The following STK3 variants were observed in gnomAD, a reference collection of about 807,000 sequenced individuals.
STK3 encodes the protein serine/threonine-protein kinase 3.
Under a neutral mutation model 58.0 loss-of-function variants are expected in STK3, and 41 were observed. The ratio of observed to expected loss-of-function variants is 0.71; its 90% CI spans 0.55 to 0.92. STK3 has a LOEUF of 0.92. Ranked by LOEUF, STK3 falls within the 40% of genes least tolerant of loss-of-function variation. The pLI is 0.00. For missense variants in STK3, 479 were observed against 602.7 expected (o/e 0.79, Z 2.15); for synonymous variants, 170 against 191.0 (o/e 0.89, Z 0.91).
At chr8:98,777,501 C>A (rs902510538) in intron 1 of STK3, among the ~76,000 whole-genome samples, 2 of 152,022 alleles carry the variant, frequency 1.3e-5, no homozygotes. Context: ...CAGAGTTAGA[C>A]CCTATCTCAA....
the STK3 span, among the ~76,000 whole-genome samples, chr8:98,354,303 T>C: frequency 6.6e-6 from 1 of 152,224 alleles, no homozygotes. Flanking sequence ...CAGATTTTTC[T>C]ACCTTCCTCA....
At chr8:98,904,228 C>T (rs1405162075) in intron 1 of STK3, among the ~76,000 whole-genome samples, 7 of 152,194 alleles carry the variant, frequency 4.6e-5, no homozygotes, top group African/African-American at 1.7e-4. Context: ...ACTACATGGT[C>T]ATTTGAAAGA....
intron 8 of STK3, among the ~76,000 whole-genome samples, chr8:98,578,790 T>G (rs920481507): frequency 6.6e-6 from 1 of 152,184 alleles, no homozygotes; most frequent in Non-Finnish European, 1.5e-5. Context: ...CCTCTATATC[T>G]TTATCCAGAA....
exon 3 of STK3, chr8:98,371,574 A>G (rs1817611265): frequency 6.6e-6 from 1 of 152,226 alleles, no homozygotes; most frequent in Non-Finnish European, 1.5e-5. Context: ...TGTCACTCTG[A>G]TATTTTCTTC....
intron 10 of STK3, among the ~76,000 whole-genome samples, chr8:98,523,444 G>A (rs1302945182): frequency 2.0e-5 from 3 of 148,360 alleles, no homozygotes; most frequent in Non-Finnish European, 3.0e-5. Context: ...GCACGATCTC[G>A]GCTCACTGCA....
At chr8:98,495,361 G>A (rs1304765966) in intron 10 of STK3, among the ~76,000 whole-genome samples, 2 of 152,168 alleles carry the variant, frequency 1.3e-5, no homozygotes, top group East Asian at 3.9e-4. Flanking sequence ...CTATATTACA[G>A]GTACTTTTTT....
rs779924371 is a variant in STK3 at position 98,455,796 on chromosome 8, G to A, written c.*46C>T. ...TCCAAATATTCCTTCAATTCCTAGT[G>A]GTTTCTTGGTCTCCAGAATAGTTAA... is the stretch of plus-strand genomic sequence containing the variant. On this transcript the variant is annotated 3_prime_UTR_variant, in exon 11 of 11. Coordinates refer to ENST00000419617, the MANE Select transcript of STK3 (RefSeq NM_006281.4). 2 of 1,602,230 alleles carry A rather than the reference G, an allele frequency of 1.2e-6. No homozygotes were observed. The highest frequency in any genetic ancestry group is 1.1e-5 in the South Asian group (1 of 89,084).
intron 4 of STK3, among the ~76,000 whole-genome samples, chr8:98,711,483 A>G (rs980310077): frequency 5.9e-5 from 9 of 152,226 alleles, no homozygotes; most frequent in Admixed American, 5.9e-4. Context: ...ACTACGTGAC[A>G]AATGCACAAG....
chr8:98,594,942 A>G (rs1043743519), intron 7 of STK3: 1 of 152,210 alleles, frequency 6.6e-6, no homozygotes, highest in Admixed American at 6.5e-5. Flanking sequence ...TGTTGTGTGT[A>G]CATAGGTGTA....
At chr8:98,489,962 T>C (rs553393093) in intron 10 of STK3, among the ~76,000 whole-genome samples, 44 of 152,284 alleles carry the variant, frequency 2.9e-4, no homozygotes, top group African/African-American at 8.4e-4. Context: ...TAGAGAGCAA[T>C]TGGGGTAGGG....
chr8:98,597,755 C>T, intron 6 of STK3: 2 of 984,962 alleles, frequency 2.0e-6, no homozygotes, highest in South Asian at 4.7e-5. Context: ...CCTTATAAAC[C>T]CGGCTATTAC....
chr8:98,377,325 C>G (rs569622642), intron 2 of STK3, among the ~76,000 whole-genome samples: 2 of 151,984 alleles, frequency 1.3e-5, no homozygotes, highest in African/African-American at 4.8e-5. Context: ...TTCACTTCTT[C>G]GGCAGAATTT....
chr8:98,761,012 C>G (rs1390366808), intron 3 of STK3, among the ~76,000 whole-genome samples: 1 of 152,080 alleles, frequency 6.6e-6, no homozygotes, highest in African/African-American at 2.4e-5. Flanking sequence ...TCCAAATGTT[C>G]TATTCATAAC....
chr8:98,584,580 G>A (rs1372169781), intron 7 of STK3, among the ~76,000 whole-genome samples: 1 of 150,008 alleles, frequency 6.7e-6, no homozygotes, highest in Non-Finnish European at 1.5e-5. Flanking sequence ...TGTCTTTATA[G>A]CAGCATGATT....
intron 10 of STK3, among the ~76,000 whole-genome samples, chr8:98,525,277 G>C (rs1465806402): frequency 6.6e-6 from 1 of 152,152 alleles, no homozygotes; most frequent in Non-Finnish European, 1.5e-5. Flanking sequence ...GGAAGGGTGA[G>C]AGGGGAAGAA....
intron 9 of STK3, among the ~76,000 whole-genome samples, chr8:98,543,107 G>A (rs546379306): frequency 2.6e-5 from 4 of 152,286 alleles, no homozygotes; most frequent in Non-Finnish European, 5.9e-5. Flanking sequence ...GTTGATAGAG[G>A]AAGCAACCTC....
At chr8:98,755,540 T>C (rs1456235050) in intron 3 of STK3, among the ~76,000 whole-genome samples, 1 of 152,212 alleles carries the variant, frequency 6.6e-6, no homozygotes, top group African/African-American at 2.4e-5. Flanking sequence ...GAAAAACCTT[T>C]GAAAGCAGAT....
At chr8:98,888,945 A>G (rs1838094905) in intron 1 of STK3, among the ~76,000 whole-genome samples, 2 of 152,194 alleles carry the variant, frequency 1.3e-5, no homozygotes, top group South Asian at 4.1e-4. Flanking sequence ...CTAAAAATGA[A>G]AGAGAAAAGT....
chr8:98,438,913 T>G (rs111508163), intron 1 of STK3: 1 of 152,292 alleles, frequency 6.6e-6, no homozygotes, highest in Non-Finnish European at 1.5e-5. Context: ...TCTGTGAACA[T>G]GGGGGTGGAA....
Sources: gnomAD v4.1 joint callset for allele counts (sites outside exome capture counted in the v4.1 genomes callset) on GRCh38, gnomAD v4.1.1 for gene constraint, MANE v1.5 for transcripts, NCBI Gene and HGNC (gene_info 2026-07-23, HGNC 2026-07-21) for gene names.